The following SCHIP1 variants were observed in gnomAD, a reference collection of about 807,000 sequenced individuals.
SCHIP1 encodes schwannomin-interacting protein 1.
Under a neutral mutation model 29.7 loss-of-function variants are expected in SCHIP1, and 8 were observed. The ratio of observed to expected loss-of-function variants is 0.27; its 90% confidence interval spans 0.16 to 0.49. SCHIP1 has a LOEUF of 0.49. Ranked by LOEUF, SCHIP1 falls within the 20% of genes least tolerant of loss-of-function variation. The probability of loss-of-function intolerance (pLI) is 0.99; values close to 1 mark genes in which losing one functional copy is unlikely to be tolerated. For synonymous variants in SCHIP1, 76 were observed against 94.9 expected (o/e 0.80, Z 1.16); for missense variants, 193 against 294.6 (o/e 0.66, Z 2.52).
chr3:159,685,908 G>T, the SCHIP1 span, among the ~76,000 whole-genome samples: 19 of 152,232 alleles, frequency 1.2e-4, no homozygotes, highest in East Asian at 3.5e-3. Context: ...GGCATTATCA[G>T]GCCAAAACCA....
chr3:159,701,025 T>C, the SCHIP1 span, among the ~76,000 whole-genome samples: 1 of 152,144 alleles, frequency 6.6e-6, no homozygotes, highest in African/African-American at 2.4e-5. Context: ...ATGAGGATGA[T>C]TAAAGTTCCT....
At chr3:159,843,320 A>G (rs1268298752) in intron 1 of SCHIP1, among the ~76,000 whole-genome samples, 1 of 151,556 alleles carries the variant, frequency 6.6e-6, no homozygotes, top group Non-Finnish European at 1.5e-5. Flanking sequence ...CAATATTTCT[A>G]TCATGCTTCT....
chr3:159,843,260 G>A (rs973875453), intron 1 of SCHIP1, among the ~76,000 whole-genome samples: 1 of 151,564 alleles, frequency 6.6e-6, no homozygotes, highest in African/African-American at 2.4e-5. Flanking sequence ...TGATCTGCCC[G>A]CCTTGGCCTC....
chr3:159,896,860 A>G (rs1421845465), exon 7 of SCHIP1: 4 of 1,415,792 alleles, frequency 2.8e-6, no homozygotes, highest in South Asian at 1.4e-5. Context: ...TGGCGCAGAA[A>G]CAAATATCAG....
chr3:159,704,228 A>G, the SCHIP1 span, among the ~76,000 whole-genome samples: 41 of 152,016 alleles, frequency 2.7e-4, no homozygotes, highest in Non-Finnish European at 5.6e-4. Context: ...TGAGCTCAGG[A>G]GTTCAAGGTC....
At chr3:159,626,644 T>G in the SCHIP1 span, among the ~76,000 whole-genome samples, 1 of 152,166 alleles carries the variant, frequency 6.6e-6, no homozygotes, top group Non-Finnish European at 1.5e-5. Context: ...CTGGTGTAGA[T>G]AGTAGTTTGC....
chr3:159,496,613 T>C, the SCHIP1 span, among the ~76,000 whole-genome samples: 1 of 152,186 alleles, frequency 6.6e-6, no homozygotes, highest in Non-Finnish European at 1.5e-5. Context: ...CAACAGGTGC[T>C]GGAGAGGATG....
chr3:159,617,421 CAATTGTCTTAA>C, the SCHIP1 span, among the ~76,000 whole-genome samples: 1 of 152,086 alleles, frequency 6.6e-6, no homozygotes, highest in African/African-American at 2.4e-5. Context: ...AGGAGAAATG[CAATTGTCTTAA>C]AACTCCCTCC....
the SCHIP1 span, among the ~76,000 whole-genome samples, chr3:159,705,518 A>C: frequency 6.6e-6 from 1 of 151,992 alleles, no homozygotes; most frequent in Admixed American, 6.6e-5. Context: ...CTCAAGGAGA[A>C]GTGACAGATA....
the SCHIP1 span, among the ~76,000 whole-genome samples, chr3:159,543,561 G>A: frequency 6.6e-6 from 1 of 151,156 alleles, no homozygotes. Flanking sequence ...CCTTTTTTAT[G>A]GCTGCATAGT....
chr3:159,396,105 G>T, the SCHIP1 span, among the ~76,000 whole-genome samples: 20 of 139,180 alleles, frequency 1.4e-4, no homozygotes, highest in Middle Eastern at 7.6e-3. Flanking sequence ...GATCTTTGTT[G>T]GTTTAAAGTC....
chr3:159,579,541 C>T, the SCHIP1 span, among the ~76,000 whole-genome samples: 27 of 152,298 alleles, frequency 1.8e-4, no homozygotes, highest in Admixed American at 5.2e-4. Context: ...CGAAATAAGA[C>T]ATGAACACCA....
the SCHIP1 span, among the ~76,000 whole-genome samples, chr3:159,712,844 GAA>G: frequency 2.5e-4 from 37 of 150,696 alleles, no homozygotes; most frequent in Admixed American, 4.6e-4. Flanking sequence ...AAGAAAGAAA[GAA>G]AGAGAGAGAG....
the SCHIP1 span, among the ~76,000 whole-genome samples, chr3:159,412,633 A>G: frequency 6.6e-6 from 1 of 152,180 alleles, no homozygotes; most frequent in East Asian, 1.9e-4. Context: ...AATGAATTGT[A>G]TGGGTCCAAA....
chr3:159,352,217 T>C, the SCHIP1 span, among the ~76,000 whole-genome samples: 12 of 152,158 alleles, frequency 7.9e-5, no homozygotes, highest in Non-Finnish European at 1.2e-4. Context: ...TCCCAGGTTC[T>C]TACAGCTCAT....
rs1025508455 is a variant in SCHIP1, at chr3:159,892,464, G to A, written c.683+274G>A. 1.7e-5 allele frequency: 10 copies of A among 578,100 alleles called. No individual in the cohort carries two copies. The Admixed American group carries it at 2.2e-4, about 13-fold the overall frequency. The allele number at this position is 578,100 out of a possible 1,614,324, so 35.8% of individuals were successfully genotyped here. On this transcript the variant is annotated intron_variant, in intron 6 of 6. Transcript: ENST00000445224. ...TAAATCAGGTCTAGTTCTGGTTTTG[G>A]AGGACTTTACCTTGAAGGACTGTCC...
At chr3:159,707,776 C>T in the SCHIP1 span, among the ~76,000 whole-genome samples, 3 of 152,154 alleles carry the variant, frequency 2.0e-5, no homozygotes, top group Non-Finnish European at 4.4e-5. Flanking sequence ...GGAATGCAAT[C>T]TTAATGATTA....
the SCHIP1 span, among the ~76,000 whole-genome samples, chr3:159,295,961 A>G: frequency 6.6e-6 from 1 of 152,224 alleles, no homozygotes; most frequent in Non-Finnish European, 1.5e-5. Context: ...GGTTAAATGT[A>G]AAGAAGAAAC....
chr3:159,567,088 G>A, the SCHIP1 span, among the ~76,000 whole-genome samples: 2 of 152,092 alleles, frequency 1.3e-5, no homozygotes, highest in Non-Finnish European at 2.9e-5. Flanking sequence ...CAGTATTTGG[G>A]ATATTTCCTC....
Sources: gnomAD v4.1 joint callset for allele counts (sites outside exome capture counted in the v4.1 genomes callset) on GRCh38, gnomAD v4.1.1 for gene constraint, MANE v1.5 for transcripts, NCBI Gene and HGNC (gene_info 2026-07-23, HGNC 2026-07-21) for gene names.